Variants in RBFOX1 observed in about 807,000 individuals in gnomAD.
The protein encoded by RBFOX1 is RNA binding fox-1 homolog 1, also known as RNA binding protein fox-1 homolog 1.
A neutral mutation model predicts 57.7 loss-of-function variants in RBFOX1; 8 were observed. The ratio of observed to expected loss-of-function variants is 0.14; its 90% CI spans 0.08 to 0.25. The LOEUF is 0.25. RBFOX1 is among the 10% of genes least tolerant of loss of function. The probability of loss-of-function intolerance (pLI) is 1.00; values close to 1 mark genes in which losing one functional copy is unlikely to be tolerated. For missense variants in RBFOX1, 611 were observed against 548.5 expected, an observed-to-expected ratio of 1.11 and a Z score of -1.14; for synonymous variants, 326 against 222.4, an observed-to-expected ratio of 1.47 and a Z score of -4.15.
intron 2 of RBFOX1, among the ~76,000 whole-genome samples, chr16:5,467,575 C>G (rs994306158): frequency 6.6e-6 from 1 of 152,170 alleles, no homozygotes; most frequent in Admixed American, 6.5e-5. Context: ...CATCATTGAA[C>G]TTTGAAGGTG....
intron 3 of RBFOX1, among the ~76,000 whole-genome samples, chr16:6,797,746 G>A (rs2084419442): frequency 6.6e-6 from 1 of 151,996 alleles, no homozygotes; most frequent in African/African-American, 2.4e-5. Context: ...TGGCTCTTGG[G>A]GTCCATTATA....
At chr16:7,007,246 A>C (rs1185465241) in intron 3 of RBFOX1, among the ~76,000 whole-genome samples, 1 of 152,122 alleles carries the variant, frequency 6.6e-6, no homozygotes, top group Non-Finnish European at 1.5e-5. Context: ...AGATCCTGGG[A>C]GCTTTTTACG....
At chr16:7,352,879 C>G (rs112306953) in intron 4 of RBFOX1, among the ~76,000 whole-genome samples, 4,403 of 152,110 alleles carry the variant, frequency 0.029, 137 homozygotes, top group African/African-American at 0.079. Context: ...CCATGACCAG[C>G]TAATTTTTGT....
At chr16:5,577,400 T>C (rs1231902175) in intron 2 of RBFOX1, among the ~76,000 whole-genome samples, 1 of 152,158 alleles carries the variant, frequency 6.6e-6, no homozygotes, top group African/African-American at 2.4e-5. Context: ...ATTTTTATGT[T>C]AGGACAGTAA....
At chr16:6,496,609 C>G (rs1019422164) in intron 2 of RBFOX1, among the ~76,000 whole-genome samples, 2 of 152,120 alleles carry the variant, frequency 1.3e-5, no homozygotes, top group African/African-American at 4.8e-5. Flanking sequence ...AAAATCAAAG[C>G]AAGTTGCCCC....
intron 3 of RBFOX1, among the ~76,000 whole-genome samples, chr16:5,743,722 T>G (rs1251277706): frequency 6.6e-6 from 1 of 152,206 alleles, no homozygotes. Context: ...AATTTTATTT[T>G]TGTACACATA....
intron 2 of RBFOX1, among the ~76,000 whole-genome samples, chr16:6,617,750 C>T (rs779415653): frequency 1.3e-5 from 2 of 151,966 alleles, no homozygotes; most frequent in Admixed American, 1.3e-4. Context: ...GCAATTTCAG[C>T]CAGAGGAAAT....
chr16:6,991,625 C>G (rs1052634561), intron 3 of RBFOX1, among the ~76,000 whole-genome samples: 12 of 152,168 alleles, frequency 7.9e-5, no homozygotes, highest in Admixed American at 2.6e-4. Flanking sequence ...CAACTTCCAC[C>G]TCCCAGGCTC....
chr16:6,826,635 T>A (rs7184842), intron 3 of RBFOX1, among the ~76,000 whole-genome samples: 75,758 of 151,472 alleles, frequency 0.5, 19,980 homozygotes, highest in East Asian at 0.76. Context: ...TTCTTTTTTT[T>A]AAAAACCTTC....
chr16:7,173,339 C>T (rs1206074179), intron 4 of RBFOX1, among the ~76,000 whole-genome samples: 1 of 152,142 alleles, frequency 6.6e-6, no homozygotes, highest in Non-Finnish European at 1.5e-5. Flanking sequence ...TGCCACCATC[C>T]ACAACAGATG....
chr16:6,282,595 T>C (rs987041177), intron 1 of RBFOX1, among the ~76,000 whole-genome samples: 1 of 152,010 alleles, frequency 6.6e-6, no homozygotes, highest in Non-Finnish European at 1.5e-5. Flanking sequence ...GTCCGTGTGT[T>C]CTTATTGTTC....
chr16:5,542,812 A>G (rs563488144), intron 2 of RBFOX1, among the ~76,000 whole-genome samples: 11 of 152,330 alleles, frequency 7.2e-5, no homozygotes, highest in African/African-American at 2.6e-4. Flanking sequence ...ATACTCATTA[A>G]TAAGGCAGAG....
intron 1 of RBFOX1, among the ~76,000 whole-genome samples, chr16:6,190,046 A>G (rs1029837206): frequency 1.1e-4 from 16 of 152,128 alleles, no homozygotes; most frequent in Non-Finnish European, 1.8e-4. Flanking sequence ...GAAGTTATCT[A>G]TGTTTGTATA....
At chr16:7,159,380 G>A (rs9926495) in intron 4 of RBFOX1, among the ~76,000 whole-genome samples, 111,681 of 151,954 alleles carry the variant, frequency 0.73, 41,154 homozygotes, top group Admixed American at 0.79. Context: ...TTACATGTAT[G>A]TGCTGATATT....
intron 3 of RBFOX1, among the ~76,000 whole-genome samples, chr16:5,642,088 C>CCAAGAG (rs2048896947): frequency 6.6e-6 from 1 of 152,106 alleles, no homozygotes; most frequent in South Asian, 2.1e-4. Context: ...TAGGGAAAGT[C>CCAAGAG]ACTGAGGATC....
intron 3 of RBFOX1, among the ~76,000 whole-genome samples, chr16:6,758,547 A>G (rs1461437241): frequency 6.6e-6 from 1 of 152,168 alleles, no homozygotes; most frequent in African/African-American, 2.4e-5. Context: ...CATTCAAAAC[A>G]GAATATAACC....
chr16:7,416,832 T>A (rs2098482599), intron 4 of RBFOX1, among the ~76,000 whole-genome samples: 1 of 151,914 alleles, frequency 6.6e-6, no homozygotes, highest in African/African-American at 2.4e-5. Context: ...AATGCCAAGG[T>A]TTGGTCTATG....
chr16:6,137,621 T>A (rs1334068306), intron 1 of RBFOX1, among the ~76,000 whole-genome samples: 7 of 146,782 alleles, frequency 4.8e-5, no homozygotes, highest in Non-Finnish European at 9.0e-5. Flanking sequence ...TTTTTTTTTT[T>A]TTTTTTTTTT....
intron 4 of RBFOX1, among the ~76,000 whole-genome samples, chr16:7,134,145 G>C (rs564619423): frequency 6.6e-6 from 1 of 152,206 alleles, no homozygotes; most frequent in Non-Finnish European, 1.5e-5. Flanking sequence ...TAAAAACGGT[G>C]GTCAGCAGAG....
Sources: gnomAD v4.1 joint callset for allele counts (sites outside exome capture counted in the v4.1 genomes callset) on GRCh38, gnomAD v4.1.1 for gene constraint, MANE v1.5 for transcripts, NCBI Gene and HGNC (gene_info 2026-07-23, HGNC 2026-07-21) for gene names.